The following NBPF20 variants were observed in gnomAD, a reference collection of about 807,000 sequenced individuals.
NBPF20 encodes NBPF member 20.
In NBPF20, 90 loss-of-function variants were observed where a neutral mutation model predicts 68.1. The ratio of observed to expected loss-of-function variants is 1.32; its 90% CI spans 1.11 to 1.58. The LOEUF is 1.58. Among genes scored for constraint, NBPF20 ranks in the 40% most tolerant of loss-of-function variants. The probability of loss-of-function intolerance (pLI) is 0.00; values close to 1 mark genes in which losing one functional copy is unlikely to be tolerated. For synonymous variants in NBPF20, 290 were observed against 228.1 expected, an observed-to-expected ratio of 1.27 and a Z score of -2.45; for missense variants, 816 against 601.2, an observed-to-expected ratio of 1.36 and a Z score of -3.74.
At chr1:145,405,242 C>T (rs781808867) in exon 2 of NBPF20, 15 of 1,610,416 alleles carry the variant, frequency 9.3e-6, no homozygotes, top group Middle Eastern at 4.3e-4. Context: ...TCTGCCTTCT[C>T]GCTGGACCAA....
chr1:145,404,320 G>T (rs1300208868), intron 2 of NBPF20, among the ~76,000 whole-genome samples: 3 of 151,720 alleles, frequency 2.0e-5, no homozygotes, highest in African/African-American at 7.3e-5. Context: ...GTGCAATAGT[G>T]CAATCTTGGC....
upstream of NBPF20, among the ~76,000 whole-genome samples, chr1:145,409,081 AC>A (rs1553668392): frequency 6.8e-6 from 1 of 147,962 alleles, no homozygotes; most frequent in African/African-American, 2.5e-5. Context: ...CAGCCTTTCA[AC>A]CCTCAGCCCC....
exon 138 of NBPF20, chr1:145,291,568 A>C: frequency 6.2e-7 from 1 of 1,612,010 alleles, no homozygotes; most frequent in Non-Finnish European, 8.5e-7. Context: ...CCAGGTGGAG[A>C]CTTGTCACCG....
intron 8 of NBPF20, among the ~76,000 whole-genome samples, chr1:145,394,238 C>T (rs1662101002): frequency 6.6e-6 from 1 of 151,746 alleles, no homozygotes. Context: ...ATAGTTCTAA[C>T]ACCTCATAGG....
intron 6 of NBPF20, among the ~76,000 whole-genome samples, chr1:145,399,768 C>T (rs1156704247): frequency 8.8e-6 from 1 of 113,340 alleles, no homozygotes; most frequent in Non-Finnish European, 1.7e-5. Context: ...CAGAGCAAGA[C>T]TCCATCACAA....
chr1:145,290,141 A>C (rs1433719449), exon 138 of NBPF20: 1 of 148,802 alleles, frequency 6.7e-6, no homozygotes, highest in Non-Finnish European at 1.5e-5. Context: ...TTGAGACCCA[A>C]AATTTGCAGT....
chr1:145,417,660 C>A, the NBPF20 span, among the ~76,000 whole-genome samples: 1 of 146,604 alleles, frequency 6.8e-6, no homozygotes, highest in Non-Finnish European at 1.5e-5. Flanking sequence ...ATCTCAACAC[C>A]TCATTAATAA....
chr1:145,393,426 AAGAGAG>A (rs1218246715), intron 9 of NBPF20, among the ~76,000 whole-genome samples, 180 bp from the exon 15 acceptor site: 2 of 148,272 alleles, frequency 1.3e-5, no homozygotes, highest in Admixed American at 1.4e-4. Flanking sequence ...AAAAGGATGA[AAGAGAG>A]AGACACACAC....
chr1:145,291,529 T>G (rs372081131), exon 138 of NBPF20: 24 of 1,611,910 alleles, frequency 1.5e-5, no homozygotes, highest in Non-Finnish European at 1.9e-5. Context: ...GGGCTGTTTA[T>G]TGTGGGAATA....
chr1:145,400,994 G>A (rs1410770908), intron 5 of NBPF20, 65 bp downstream of exon 10: 2 of 1,528,372 alleles, frequency 1.3e-6, no homozygotes, highest in African/African-American at 2.7e-5. Context: ...GCCAGAGAGG[G>A]TGTGCCTCCT....
chr1:145,425,537 T>C, the NBPF20 span, among the ~76,000 whole-genome samples: 4 of 152,174 alleles, frequency 2.6e-5, no homozygotes, highest in Non-Finnish European at 2.9e-5. Flanking sequence ...ATATCGCCGC[T>C]GTCTCAACCG....
chr1:145,309,511 G>A (rs1239815465), intron 115 of NBPF20, among the ~76,000 whole-genome samples: 1 of 75,388 alleles, frequency 1.3e-5, no homozygotes, highest in East Asian at 2.7e-4. Flanking sequence ...GAGAGAGAAC[G>A]AGCTCAGTGA....
Position 145,346,354 on chromosome 1 carries a change from T to A in NBPF20, c.8331A>T (p.Glu2777Asp). Residue 2777 changes from glutamate (E) to aspartate (D), a missense_variant, in exon 69 of 138, where the codon GAA becomes GAT. By Grantham distance (45) the Glu-to-Asp change is conservative (BLOSUM62 2). Transcript: ENST00000369373. ...ATGGTGGGTTTTGATCTTCTTCCCC[T>A]TCTTTTCTTCCCCTTCTTCTTTCCT... is the stretch of plus-strand genomic sequence containing the variant. 2 of 62,154 alleles carry A rather than the reference T, an allele frequency of 3.2e-5. 1 individual carries two copies. Among genetic ancestry groups the A allele is most frequent in the South Asian group, 1.6e-4 (2 of 12,410 alleles). The allele number at this position is 62,154 out of a possible 1,614,324, so 3.9% of individuals were successfully genotyped here. A position where few individuals can be genotyped will look rare whatever the true frequency, so the allele number is the denominator to read the frequency against.
At chr1:145,402,335 A>C in exon 4 of NBPF20, 1 of 1,603,946 alleles carries the variant, frequency 6.2e-7, no homozygotes, top group East Asian at 2.2e-5. Flanking sequence ...TTCTCCCTTA[A>C]CTGGGTCAGC....
chr1:145,410,605 G>C, the NBPF20 span, among the ~76,000 whole-genome samples: 314 of 151,052 alleles, frequency 2.1e-3, 2 homozygotes, highest in Non-Finnish European at 3.6e-3. Context: ...GAGCCACCGC[G>C]CCCGGCCCCA....
rs1486096643 is a variant in NBPF20, at chr1:145,292,076, A to C, written c.16697+305T>G. Among the ~76,000 whole-genome samples the C allele has an allele frequency of 2.0e-5, 3 of 149,618 alleles. 1 individual carries two copies. The highest frequency in any genetic ancestry group is 7.7e-5 in the African/African-American group (3 of 38,980). ...CTCTGAGTTAGTGTCCTCATGACAC[A>C]CAGCAAACTGTGATCATGAAAAGAG... is the stretch of plus-strand genomic sequence containing the variant. On this transcript the variant is annotated intron_variant, in intron 137 of 137. Coordinates refer to ENST00000369373, the Ensembl canonical transcript of NBPF20.
Position 145,394,878 on chromosome 1 carries a change from T to C in NBPF20, c.991+100A>G. 9 of 1,575,094 alleles carry C rather than the reference T, an allele frequency of 5.7e-6. No individual in the cohort carries two copies. In the Admixed American group the frequency reaches 8.3e-5, roughly 15 times the overall value. On this transcript the variant is annotated intron_variant, in intron 8 of 137. Coordinates refer to ENST00000369373, the Ensembl canonical transcript of NBPF20. Reference sequence around the variant, plus strand: ...GATATATAGGTTCAGCCCACGGTGATGGCAAATCTCAGCCCAACAAGGGGC... The same window carrying C: ...GATATATAGGTTCAGCCCACGGTGACGGCAAATCTCAGCCCAACAAGGGGC...
At position 145,291,890 on chromosome 1, in the gene NBPF20, G is replaced by A. The variant is rs1431016496; in HGVS notation, c.16698-121C>T. 177 of 1,578,192 alleles carry A rather than the reference G, an allele frequency of 1.1e-4. 2 individuals are homozygous for A. The highest frequency in any genetic ancestry group is 5.7e-4 in the South Asian group (48 of 84,252). On this transcript the variant is annotated intron_variant, in intron 137 of 137. Transcript: ENST00000369373. ...AAAGAAAAAGGATAGATCCATTAAT[G>A]AGGTAAAAAAAAAATTTATTGCCTA...
intron 7 of NBPF20, among the ~76,000 whole-genome samples, chr1:145,397,647 C>A (rs1329957864): frequency 6.6e-6 from 1 of 152,178 alleles, no homozygotes; most frequent in African/African-American, 2.4e-5. Context: ...ACTGTAAAGA[C>A]CATTGACGCT....
Sources: gnomAD v4.1 joint callset for allele counts (sites outside exome capture counted in the v4.1 genomes callset) on GRCh38, gnomAD v4.1.1 for gene constraint, MANE v1.5 for transcripts, NCBI Gene and HGNC (gene_info 2026-07-23, HGNC 2026-07-21) for gene names.